HUNK: variants seen among roughly 807,000 people sequenced by gnomAD.
HUNK encodes the protein hormonally up-regulated neu tumor-associated kinase.
Under a neutral mutation model 61.0 loss-of-function variants are expected in HUNK, and 21 were observed. That is an observed-to-expected ratio of 0.34 (90% CI 0.24 to 0.50). The LOEUF (loss-of-function observed/expected upper bound fraction) is 0.50. HUNK is among the 20% of genes least tolerant of loss of function. The pLI, the probability that HUNK is intolerant of heterozygous loss-of-function variation, is 0.98. For synonymous variants in HUNK, 371 were observed against 386.1 expected (o/e 0.96, Z 0.46); for missense variants, 772 against 945.7 (o/e 0.82, Z 2.41).
intron 6 of HUNK, among the ~76,000 whole-genome samples, chr21:31,968,717 TG>T (rs2052986317): frequency 3.1e-5 from 1 of 32,496 alleles, no homozygotes; most frequent in Non-Finnish European, 5.8e-5. Context: ...GTGGCCCGAG[TG>T]TGTGTGTGTG....
chr21:31,934,833 A>G (rs2052722508), intron 2 of HUNK, among the ~76,000 whole-genome samples: 1 of 152,094 alleles, frequency 6.6e-6, no homozygotes, highest in African/African-American at 2.4e-5. Context: ...TGCAGAGGGC[A>G]TGATTTCATT....
chr21:31,884,060 G>C (rs913119920), intron 1 of HUNK, among the ~76,000 whole-genome samples: 2 of 152,190 alleles, frequency 1.3e-5, no homozygotes, highest in African/African-American at 4.8e-5. Flanking sequence ...GCTGGTTTAA[G>C]TAAGACAACT....
intron 5 of HUNK, among the ~76,000 whole-genome samples, chr21:31,960,362 G>A (rs2052918636): frequency 6.7e-6 from 1 of 150,188 alleles, no homozygotes; most frequent in African/African-American, 2.5e-5. Context: ...ATTGGGACAA[G>A]GGGATAGAGA....
chr21:31,953,942 A>G (rs1257625235), intron 4 of HUNK, among the ~76,000 whole-genome samples: 2 of 152,192 alleles, frequency 1.3e-5, no homozygotes, highest in Non-Finnish European at 2.9e-5. Flanking sequence ...CATCTTGAAG[A>G]CAAGCATCTG....
Position 31,957,137 on chromosome 21 carries a change from T to C in HUNK, c.747-1706T>C, listed in dbSNP as rs75154415. ...GTCAAAAGTGGTGCAATTCAGCATTTTCTTATTCCTTTTGCACTCATCACC... is the reference window on the plus strand; with the variant it reads ...GTCAAAAGTGGTGCAATTCAGCATTCTCTTATTCCTTTTGCACTCATCACC... On this transcript the variant is annotated intron_variant, in intron 4 of 10. Coordinates refer to ENST00000270112, the MANE Select transcript of HUNK (RefSeq NM_014586.2). Among the ~76,000 whole-genome samples, 1,341 of 152,310 alleles carry C rather than the reference T, an allele frequency of 8.8e-3. 24 individuals are homozygous for C. The highest frequency in any genetic ancestry group is 0.029 in the African/African-American group (1,191 of 41,556).
At chr21:31,960,840 C>T (rs2052923053) in intron 5 of HUNK, among the ~76,000 whole-genome samples, 1 of 152,148 alleles carries the variant, frequency 6.6e-6, no homozygotes, top group Non-Finnish European at 1.5e-5. Context: ...CACAGCCAAA[C>T]CATATCACCC....
At chr21:31,886,123 A>C (rs2052344108) in intron 1 of HUNK, among the ~76,000 whole-genome samples, 4 of 152,254 alleles carry the variant, frequency 2.6e-5, no homozygotes, top group African/African-American at 9.6e-5. Context: ...ACTTCTCTAA[A>C]GACCTCATAT....
chr21:31,873,736 G>A lies in HUNK; in HGVS notation c.62G>A (p.Gly21Asp). The change falls in exon 1 of 11, where the codon GGC becomes GAC. Residue 21 changes from glycine to aspartate, a missense_variant. Physicochemically the swap from Gly to Asp is moderately conservative, Grantham distance 94. Coordinates refer to ENST00000270112, the MANE Select transcript of HUNK (RefSeq NM_014586.2). This position sits in a 1 kb window ranked among gnomAD's most constrained non-coding sequence, Gnocchi z 6.1. ...CCGGCGGCGCCTGGGGGCGGCGGCG[G>A]CGCGGAGGACGCGGCCAGGCCCGCG... ...GEPAAPGGGG[G>D]AEDAARPAAA... The A allele has an allele frequency of 7.9e-7, 1 of 1,266,280 alleles. No individual in the cohort carries two copies. Among genetic ancestry groups the A allele is most frequent in the South Asian group, 2.9e-5 (1 of 34,136 alleles). 78.4% of individuals were successfully genotyped at this position (1,266,280 alleles called of 1,614,324 possible). A position where few individuals can be genotyped will look rare whatever the true frequency, so the allele number is the denominator to read the frequency against.
rs2053256595 is a variant in HUNK at position 32,003,100 on chromosome 21, AAC to A, written c.*3920_*3921del. Reference sequence around the variant, plus strand: ...CTGGAGCAGAGTTTCTCCCTCAAAGAACACAGAGAAATCAGAGAGTGGCTGCC... The same window carrying A: ...CTGGAGCAGAGTTTCTCCCTCAAAGAACAGAGAAATCAGAGAGTGGCTGCC... On this transcript the variant is annotated 3_prime_UTR_variant, in exon 11 of 11. Coordinates refer to ENST00000270112, the MANE Select transcript of HUNK (RefSeq NM_014586.2). 1 of 152,282 alleles carries A rather than the reference AAC, an allele frequency of 6.6e-6. No individual in the cohort carries two copies. Among genetic ancestry groups the A allele is most frequent in the Admixed American group, 6.5e-5 (1 of 15,286 alleles). 9.4% of individuals were successfully genotyped at this position (152,282 alleles called of 1,614,324 possible). A position where few individuals can be genotyped will look rare whatever the true frequency, so the allele number is the denominator to read the frequency against.
intron 1 of HUNK, among the ~76,000 whole-genome samples, chr21:31,900,538 A>G (rs2052458878): frequency 6.6e-6 from 1 of 151,928 alleles, no homozygotes; most frequent in Non-Finnish European, 1.5e-5. Flanking sequence ...CAGACTCGGT[A>G]GAATGCAGGT....
intron 10 of HUNK, 80 bp from the exon 11 acceptor site, chr21:31,998,446 G>T: frequency 7.7e-7 from 1 of 1,306,512 alleles, no homozygotes. Flanking sequence ...CAGTTAAGCT[G>T]GAGGTCACAG....
chr21:31,875,712 T>C (rs561917867), intron 1 of HUNK, among the ~76,000 whole-genome samples: 3 of 152,168 alleles, frequency 2.0e-5, no homozygotes, highest in Non-Finnish European at 4.4e-5. Context: ...TTTATTTTCA[T>C]TGGAAACGTA....
At chr21:31,902,035 C>A (rs1356711484) in intron 1 of HUNK, among the ~76,000 whole-genome samples, 5 of 152,086 alleles carry the variant, frequency 3.3e-5, no homozygotes, top group African/African-American at 1.2e-4. Flanking sequence ...TAGGTGTAGA[C>A]CACAGTCATG....
Position 31,998,983 on chromosome 21 carries a change from G to GC in HUNK, c.1945dup (p.Gln649ProfsTer37). ...CTCCGGTTCCCAGCAATGGCCCCAT[G>GC]CAGCCTCTGGGGAGCCCCAATTGTG... On this transcript the variant is annotated frameshift_variant, in exon 11 of 11. Transcript: ENST00000270112. LOFTEE classifies it high-confidence loss of function. 6.2e-7 allele frequency: 1 copy of GC among 1,614,204 alleles called. No individual in the cohort carries two copies. Among genetic ancestry groups the GC allele is most frequent in the Non-Finnish European group, 8.5e-7 (1 of 1,180,032 alleles).
At chr21:31,951,719 C>G (rs2052851179) in intron 4 of HUNK, among the ~76,000 whole-genome samples, 1 of 152,210 alleles carries the variant, frequency 6.6e-6, no homozygotes, top group Non-Finnish European at 1.5e-5. Flanking sequence ...GGCACCATGT[C>G]TCCAAATAGC....
intron 2 of HUNK, among the ~76,000 whole-genome samples, chr21:31,937,985 T>C (rs2052743103): frequency 6.6e-6 from 1 of 152,214 alleles, no homozygotes; most frequent in Non-Finnish European, 1.5e-5. Context: ...GGTGGGCACA[T>C]TGGATTGGGG....
chr21:31,947,804 C>T (rs1214793810), intron 4 of HUNK, among the ~76,000 whole-genome samples: 1 of 152,146 alleles, frequency 6.6e-6, no homozygotes, highest in African/African-American at 2.4e-5. Context: ...AATCCTTTGC[C>T]ATAGGGAAAT....
chr21:31,906,216 TC>T (rs1348723022), intron 1 of HUNK, among the ~76,000 whole-genome samples: 1 of 152,196 alleles, frequency 6.6e-6, no homozygotes, highest in African/African-American at 2.4e-5. Flanking sequence ...ACCATTATTA[TC>T]CCCGGCTTAC....
chr21:31,934,030 T>C (rs1032548482), intron 2 of HUNK, among the ~76,000 whole-genome samples: 9 of 152,284 alleles, frequency 5.9e-5, no homozygotes, highest in African/African-American at 2.2e-4. Context: ...CAGAGCCAAA[T>C]GTTTTGCTCT....
Sources: gnomAD v4.1 joint callset for allele counts (sites outside exome capture counted in the v4.1 genomes callset) on GRCh38, gnomAD v4.1.1 for gene constraint, Gnocchi (gnomAD v3.1) non-coding constraint, MANE v1.5 for transcripts, NCBI Gene and HGNC (gene_info 2026-07-23, HGNC 2026-07-21) for gene names.